The following SLC35F4 variants were observed in gnomAD, a reference collection of about 807,000 sequenced individuals.
The protein encoded by SLC35F4 is chromosome 14 open reading frame 36.
A neutral mutation model predicts 44.2 loss-of-function variants in SLC35F4; 24 were observed. That is an observed-to-expected ratio of 0.54 (90% CI 0.39 to 0.76). SLC35F4 has a LOEUF of 0.76. SLC35F4 is among the 30% of genes least tolerant of loss of function. The pLI is 0.00. For missense variants in SLC35F4, 562 were observed against 586.1 expected, an observed-to-expected ratio of 0.96 and a Z score of 0.42; for synonymous variants, 238 against 223.6, an observed-to-expected ratio of 1.06 and a Z score of -0.57.
At chr14:57,902,773 A>T (rs1889029811) in intron 1 of SLC35F4, among the ~76,000 whole-genome samples, 1 of 152,184 alleles carries the variant, frequency 6.6e-6, no homozygotes, top group Non-Finnish European at 1.5e-5. Context: ...AGACTGCTGT[A>T]ATCCCCTACT....
chr14:57,881,394 A>C (rs1888531629), intron 1 of SLC35F4, among the ~76,000 whole-genome samples: 1 of 152,210 alleles, frequency 6.6e-6, no homozygotes, highest in South Asian at 2.1e-4. Context: ...CAGAAGCAAC[A>C]TATATATTTT....
intron 1 of SLC35F4, among the ~76,000 whole-genome samples, chr14:57,873,836 G>A (rs117040185): frequency 4.6e-5 from 7 of 152,008 alleles, no homozygotes; most frequent in Middle Eastern, 6.8e-3. Context: ...GGAGTGTGCC[G>A]CCTGCCTGCA....
Position 57,609,077 on chromosome 14 carries a change from G to A in SLC35F4, c.104-14953C>T, listed in dbSNP as rs2071338875. Among the ~76,000 whole-genome samples the A allele has an allele frequency of 2.0e-5, 3 of 152,148 alleles. No individual in the cohort carries two copies. The South Asian group carries it at 6.2e-4, about 32-fold the overall frequency. ...GAGATTTTGAAAACACAGAAATTGTGTTAATTTAAGGAGTCGATAAACCAT... is the reference window on the plus strand; with the variant it reads ...GAGATTTTGAAAACACAGAAATTGTATTAATTTAAGGAGTCGATAAACCAT... On this transcript the variant is annotated intron_variant, in intron 1 of 7. Transcript: ENST00000556826.
chr14:57,705,105 A>G (rs2140379023), intron 1 of SLC35F4, among the ~76,000 whole-genome samples: 1 of 152,358 alleles, frequency 6.6e-6, no homozygotes, highest in South Asian at 2.1e-4. Flanking sequence ...TGTTCTGAGA[A>G]TCAAATGAAT....
chr14:57,973,001 C>T (rs552745671), downstream of SLC35F4, among the ~76,000 whole-genome samples: 4 of 152,328 alleles, frequency 2.6e-5, no homozygotes, highest in South Asian at 4.1e-4. Context: ...CTTTACAACA[C>T]TGCTCTGCAA....
chr14:57,585,751 T>C (rs188260757), intron 3 of SLC35F4, among the ~76,000 whole-genome samples: 39 of 152,138 alleles, frequency 2.6e-4, no homozygotes, highest in African/African-American at 9.4e-4. Flanking sequence ...GAGAATAAAA[T>C]ACCTAAGAAT....
At chr14:57,663,056 A>T (rs62004027) in intron 1 of SLC35F4, among the ~76,000 whole-genome samples, 6,229 of 152,192 alleles carry the variant, frequency 0.041, 208 homozygotes, top group Non-Finnish European at 0.067. Context: ...TAAGAGTGGG[A>T]ATTACTCCCT....
At chr14:57,823,524 C>T (rs1327789627) in intron 1 of SLC35F4, among the ~76,000 whole-genome samples, 1 of 152,134 alleles carries the variant, frequency 6.6e-6, no homozygotes, top group African/African-American at 2.4e-5. Flanking sequence ...CCTGAGGGGC[C>T]CTGCTGTCTT....
At chr14:57,627,943 G>C (rs1472330852) in intron 1 of SLC35F4, among the ~76,000 whole-genome samples, 2 of 151,990 alleles carry the variant, frequency 1.3e-5, no homozygotes, top group Non-Finnish European at 2.9e-5. Context: ...CTCAACCTCA[G>C]CTCAGTTGGA....
intron 1 of SLC35F4, among the ~76,000 whole-genome samples, chr14:57,901,810 A>G (rs1889006106): frequency 6.6e-6 from 1 of 152,170 alleles, no homozygotes; most frequent in African/African-American, 2.4e-5. Flanking sequence ...ACCCTTACCA[A>G]GTATAAATCA....
intron 1 of SLC35F4, among the ~76,000 whole-genome samples, chr14:57,814,310 T>C (rs1196102313): frequency 2.0e-5 from 3 of 152,234 alleles, no homozygotes; most frequent in Non-Finnish European, 4.4e-5. Flanking sequence ...CTTCAGAATT[T>C]TCTTTTGCAG....
At chr14:57,847,991 C>T (rs1886189192) in intron 1 of SLC35F4, among the ~76,000 whole-genome samples, 3 of 151,970 alleles carry the variant, frequency 2.0e-5, no homozygotes, top group African/African-American at 7.3e-5. Flanking sequence ...AGGCATAAAT[C>T]CATAAAAACG....
intron 1 of SLC35F4, among the ~76,000 whole-genome samples, chr14:57,673,309 C>T (rs2074582417): frequency 6.6e-6 from 1 of 152,066 alleles, no homozygotes; most frequent in Admixed American, 6.6e-5. Context: ...TCAGGGTTAG[C>T]AGCATGGTTA....
intron 1 of SLC35F4, among the ~76,000 whole-genome samples, chr14:57,616,435 G>A (rs1452924656): frequency 2.0e-5 from 3 of 152,196 alleles, no homozygotes; most frequent in African/African-American, 7.2e-5. Flanking sequence ...AGTTGTGAAT[G>A]TTTGAACTTT....
At chr14:57,806,590 A>G (rs1881348056) in intron 1 of SLC35F4, among the ~76,000 whole-genome samples, 1 of 152,230 alleles carries the variant, frequency 6.6e-6, no homozygotes, top group South Asian at 2.1e-4. Context: ...TATTTAATAG[A>G]ATATCATGAT....
intron 1 of SLC35F4, among the ~76,000 whole-genome samples, chr14:57,691,120 C>T (rs2075220178): frequency 6.6e-6 from 1 of 151,912 alleles, no homozygotes; most frequent in South Asian, 2.1e-4. Flanking sequence ...CAGTGTATGG[C>T]TTGTAAGAAG....
chr14:57,691,211 C>T (rs1020728646), intron 1 of SLC35F4, among the ~76,000 whole-genome samples: 2 of 152,188 alleles, frequency 1.3e-5, no homozygotes, highest in Non-Finnish European at 1.5e-5. Context: ...GGTGAAACCT[C>T]ATGCTCACTT....
intron 1 of SLC35F4, among the ~76,000 whole-genome samples, chr14:57,810,672 C>T (rs529047073): frequency 3.3e-5 from 5 of 152,208 alleles, no homozygotes. Flanking sequence ...CTTCTTTGAC[C>T]TTATCAGTGT....
chr14:57,683,106 G>A (rs1315236644), intron 1 of SLC35F4, among the ~76,000 whole-genome samples: 9 of 152,110 alleles, frequency 5.9e-5, no homozygotes, highest in Non-Finnish European at 2.9e-5. Flanking sequence ...GTCATACAAA[G>A]ATTACCTGGT....
Sources: gnomAD v4.1 joint callset for allele counts (sites outside exome capture counted in the v4.1 genomes callset) on GRCh38, gnomAD v4.1.1 for gene constraint, MANE v1.5 for transcripts, NCBI Gene and HGNC (gene_info 2026-07-23, HGNC 2026-07-21) for gene names.